The following TAFA2 variants were observed in gnomAD, a reference collection of about 807,000 sequenced individuals.
TAFA2 encodes the protein chemokine-like protein TAFA-2.
A neutral mutation model predicts 18.8 loss-of-function variants in TAFA2; 7 were observed. That is an observed-to-expected ratio of 0.37 (90% CI 0.21 to 0.70). The LOEUF (loss-of-function observed/expected upper bound fraction) is 0.70. TAFA2 is among the 30% of genes least tolerant of loss of function. The pLI, the probability that TAFA2 is intolerant of heterozygous loss-of-function variation, is 0.53. For synonymous variants in TAFA2, 60 were observed against 54.2 expected, an observed-to-expected ratio of 1.11 and a Z score of -0.47; for missense variants, 122 against 158.1, an observed-to-expected ratio of 0.77 and a Z score of 1.23.
At chr12:62,260,034 C>T (rs1260498671), upstream of TAFA2, 2 of 243,186 alleles carry the variant, frequency 8.2e-6, no homozygotes, top group South Asian at 8.6e-5. Context: ...TGAGTGAATG[C>T]GCAAATAAGG....
At chr12:61,904,493 C>T (rs1020225846) in intron 1 of TAFA2, among the ~76,000 whole-genome samples, 2 of 152,082 alleles carry the variant, frequency 1.3e-5, no homozygotes, top group African/African-American at 2.4e-5. Flanking sequence ...GTGGTAGGTG[C>T]TAGGGCTCTA....
At chr12:61,823,369 T>C (rs996283962) in intron 2 of TAFA2, among the ~76,000 whole-genome samples, 28 of 152,014 alleles carry the variant, frequency 1.8e-4, no homozygotes, top group Admixed American at 3.9e-4. Flanking sequence ...CAATTTTAAA[T>C]GTTGTAAAAA....
At chr12:61,830,731 A>T (rs539522996) in intron 2 of TAFA2, among the ~76,000 whole-genome samples, 12 of 152,216 alleles carry the variant, frequency 7.9e-5, no homozygotes, top group Non-Finnish European at 1.2e-4. Context: ...AAAATAAAAT[A>T]AACTTTGAGT....
intron 1 of TAFA2, among the ~76,000 whole-genome samples, chr12:62,059,097 C>A: frequency 8.4e-6 from 1 of 119,506 alleles, no homozygotes. Flanking sequence ...ACCAAGACTC[C>A]GTCTCAAAAA....
chr12:61,926,300 T>C (rs1260141657), intron 1 of TAFA2, among the ~76,000 whole-genome samples: 1 of 152,198 alleles, frequency 6.6e-6, no homozygotes, highest in Non-Finnish European at 1.5e-5. Context: ...TCTGAAACTA[T>C]TCCAAACAAT....
chr12:61,776,147 A>G (rs1323562430), intron 2 of TAFA2: 1 of 382,486 alleles, frequency 2.6e-6, no homozygotes, highest in Non-Finnish European at 5.1e-6. Context: ...GCATTATTGT[A>G]AACAGACAAT....
chr12:61,730,417 C>T lies in TAFA2; in HGVS notation c.385-20000G>A, dbSNP rs78655166. ...TACAGGGGAGACAGAAGCTTGCCCTCAGGTCTCCTGAATAAGTATTGGGTT... is the reference window on the plus strand; with the variant it reads ...TACAGGGGAGACAGAAGCTTGCCCTTAGGTCTCCTGAATAAGTATTGGGTT... On this transcript the variant is annotated intron_variant, in intron 4 of 4. Transcript: ENST00000416284. 5.5e-3 allele frequency among the ~76,000 whole-genome samples: 840 copies of T among 152,182 alleles called. 15 individuals carry two copies. Among genetic ancestry groups the T allele is most frequent in the Admixed American group, 0.04 (615 of 15,270 alleles).
intron 1 of TAFA2, among the ~76,000 whole-genome samples, chr12:62,245,902 T>C (rs1325560816): frequency 6.6e-6 from 1 of 150,790 alleles, no homozygotes; most frequent in Non-Finnish European, 1.5e-5. Context: ...TTTTAGCTCA[T>C]TAGTTTTCAT....
chr12:62,124,550 A>C (rs1349267172), intron 1 of TAFA2, among the ~76,000 whole-genome samples: 1 of 152,150 alleles, frequency 6.6e-6, no homozygotes, highest in East Asian at 1.9e-4. Flanking sequence ...GTTATCTCTC[A>C]TTGAATTGAT....
chr12:62,088,613 T>C (rs1295049901), intron 1 of TAFA2, among the ~76,000 whole-genome samples: 1 of 96,868 alleles, frequency 1.0e-5, no homozygotes, highest in Non-Finnish European at 2.0e-5. Context: ...CTGGACCACA[T>C]TAAAAAAAAA....
chr12:62,234,534 G>T, intron 1 of TAFA2: 2 of 890,544 alleles, frequency 2.2e-6, no homozygotes, highest in Admixed American at 1.7e-5. Context: ...GTCAATGTCT[G>T]GTGTGTACCC....
chr12:61,925,916 G>A (rs1592491364), intron 1 of TAFA2, among the ~76,000 whole-genome samples: 1 of 152,112 alleles, frequency 6.6e-6, no homozygotes, highest in African/African-American at 2.4e-5. Context: ...CCAGGAGCTG[G>A]TTTTTTGAAA....
chr12:61,887,769 A>AT (rs1391237253), intron 1 of TAFA2, among the ~76,000 whole-genome samples: 1 of 150,596 alleles, frequency 6.6e-6, no homozygotes, highest in African/African-American at 2.4e-5. Flanking sequence ...TGAACTCATC[A>AT]TTTTTTATGG....
intron 1 of TAFA2, among the ~76,000 whole-genome samples, chr12:62,084,052 G>A (rs1868365256): frequency 6.6e-6 from 1 of 152,100 alleles, no homozygotes. Context: ...TATGGTTTAA[G>A]TATGAGTACA....
intron 1 of TAFA2, among the ~76,000 whole-genome samples, chr12:62,092,286 C>T (rs960035027): frequency 2.0e-5 from 3 of 151,920 alleles, no homozygotes; most frequent in South Asian, 2.1e-4. Context: ...AGTTTCTTCA[C>T]CCCACTCCCC....
intron 1 of TAFA2, among the ~76,000 whole-genome samples, chr12:62,128,941 T>C (rs1329340771): frequency 1.3e-5 from 2 of 152,066 alleles, no homozygotes; most frequent in Non-Finnish European, 2.9e-5. Flanking sequence ...TAAAATTAAT[T>C]TCAGTCTCAT....
intron 2 of TAFA2, among the ~76,000 whole-genome samples, chr12:61,805,173 A>T (rs1871559597): frequency 6.6e-6 from 1 of 151,932 alleles, no homozygotes; most frequent in South Asian, 2.1e-4. Flanking sequence ...ATTTTTTAGG[A>T]TTATTTAATA....
At chr12:62,174,740 C>T (rs962978629) in intron 1 of TAFA2, among the ~76,000 whole-genome samples, 1 of 152,110 alleles carries the variant, frequency 6.6e-6, no homozygotes, top group African/African-American at 2.4e-5. Context: ...TAATGAAACC[C>T]TTAATCTTTA....
chr12:62,253,909 T>C (rs1224705799), intron 1 of TAFA2, among the ~76,000 whole-genome samples: 1 of 152,258 alleles, frequency 6.6e-6, no homozygotes, highest in Non-Finnish European at 1.5e-5. Context: ...TGATCTGTTA[T>C]GTATCTATGT....
Sources: allele counts gnomAD v4.1 joint callset (sites outside exome capture counted in the v4.1 genomes callset), GRCh38; gene constraint gnomAD v4.1.1; transcripts MANE v1.5; gene names NCBI Gene and HGNC (gene_info 2026-07-23, HGNC 2026-07-21).